The following PCDH11X variants were observed in gnomAD, a reference collection of about 807,000 sequenced individuals.
The protein encoded by PCDH11X is protocadherin-11 X-linked.
A neutral mutation model predicts 53.3 loss-of-function variants in PCDH11X; 18 were observed. That is an observed-to-expected ratio of 0.34 (90% CI 0.23 to 0.50). The LOEUF is 0.50. Among genes scored for constraint, PCDH11X ranks in the 20% least tolerant of loss-of-function variants. The pLI, the probability that PCDH11X is intolerant of heterozygous loss-of-function variation, is 0.98. For synonymous variants in PCDH11X, 279 were observed against 393.3 expected (o/e 0.71, Z 3.44); for missense variants, 570 against 1,032.4 (o/e 0.55, Z 6.14).
intron 8 of PCDH11X, among the ~76,000 whole-genome samples, chrX:92,306,843 T>A (rs2522760): frequency 1.8e-5 from 2 of 111,088 alleles, no homozygotes; most frequent in Admixed American, 1.9e-4. Flanking sequence ...CCAGCTACTC[T>A]GGAGGCTAAG....
chrX:92,244,397 C>A (rs1369989441), intron 7 of PCDH11X, among the ~76,000 whole-genome samples: 1 of 109,092 alleles, frequency 9.2e-6, no homozygotes, highest in Non-Finnish European at 1.9e-5. Context: ...CACTCACAGT[C>A]TTTTACTGTC....
intron 5 of PCDH11X, among the ~76,000 whole-genome samples, chrX:91,875,516 C>T (rs1939561612): frequency 9.3e-6 from 1 of 107,916 alleles, no homozygotes; most frequent in African/African-American, 3.4e-5. Flanking sequence ...TGGTCTCGAT[C>T]TCCTGACCTC....
intron 9 of PCDH11X, among the ~76,000 whole-genome samples, chrX:92,426,973 G>A (rs2072131790): frequency 9.1e-6 from 1 of 110,019 alleles, no homozygotes; most frequent in Non-Finnish European, 1.9e-5. Context: ...TGTTAGAGAA[G>A]CAATTGAAAC....
At chrX:92,094,510 C>T (rs985719282) in intron 6 of PCDH11X, among the ~76,000 whole-genome samples, 18 of 111,090 alleles carry the variant, frequency 1.6e-4, no homozygotes, top group African/African-American at 5.2e-4. Context: ...TATATGAGGA[C>T]AAGCCCACTT....
intron 6 of PCDH11X, among the ~76,000 whole-genome samples, chrX:91,972,429 C>T (rs2061976499): frequency 1.0e-5 from 1 of 98,221 alleles, no homozygotes; most frequent in African/African-American, 3.7e-5. Context: ...GTTTCTTTTG[C>T]TGTGCAGAAG....
At chrX:92,443,195 A>G (rs1484610461) in intron 9 of PCDH11X, among the ~76,000 whole-genome samples, 1 of 111,208 alleles carries the variant, frequency 9.0e-6, no homozygotes, top group African/African-American at 3.3e-5. Flanking sequence ...TTTCCATACC[A>G]CTGGTATGAG....
chrX:92,403,328 C>CATTTTTT (rs1569481407), intron 9 of PCDH11X, among the ~76,000 whole-genome samples: 2 of 54,927 alleles, frequency 3.6e-5, no homozygotes, highest in African/African-American at 2.2e-4. Context: ...CGGGCATTTA[C>CATTTTTT]GTTTTTTTTT....
intron 6 of PCDH11X, among the ~76,000 whole-genome samples, chrX:92,085,493 A>C (rs1269610915): frequency 9.4e-6 from 1 of 106,714 alleles, no homozygotes; most frequent in Non-Finnish European, 1.9e-5. Context: ...AAAAAAAAAA[A>C]AAAAGCCACC....
chrX:92,150,276 T>C (rs1296687318), intron 6 of PCDH11X, among the ~76,000 whole-genome samples: 1 of 111,531 alleles, frequency 9.0e-6, no homozygotes, highest in African/African-American at 3.3e-5. Context: ...GTTGTCTTTT[T>C]AGTTGTAGCC....
rs777699108 is a variant in PCDH11X at position 92,399,074 on chromosome X, T to C, written c.3343+11141T>C. On this transcript the variant is annotated intron_variant, in intron 9 of 10. Transcript: ENST00000682573. The stretch of plus-strand genomic sequence containing the variant: ...CGGTCGTGGTGGTGGGCGCCTGTGG[T>C]CCCAGCTGCTCGGGAGGCTGAGGCA... Among the ~76,000 whole-genome samples the C allele has an allele frequency of 1.9e-4, 20 of 107,327 alleles. No individual in the cohort carries two copies. In the East Asian group the frequency reaches 5.9e-3, roughly 32 times the overall value. 93.2% of individuals were successfully genotyped at this position (107,327 alleles called of 115,157 possible). A position where few individuals can be genotyped will look rare whatever the true frequency, so the allele number is the denominator to read the frequency against.
chrX:92,113,212 C>T, intron 6 of PCDH11X: 1 of 1,164,076 alleles, frequency 8.6e-7, no homozygotes, highest in Non-Finnish European at 1.1e-6. Context: ...AGATTGAGCC[C>T]TGGCTGGGGC....
chrX:91,916,131 G>A (rs1465162586), intron 6 of PCDH11X, among the ~76,000 whole-genome samples: 1 of 111,128 alleles, frequency 9.0e-6, no homozygotes, highest in Non-Finnish European at 1.9e-5. Context: ...TGAGCTGAAT[G>A]ATAATAGTAA....
At chrX:92,474,072 T>C (rs1266370482) in intron 10 of PCDH11X, among the ~76,000 whole-genome samples, 1 of 111,221 alleles carries the variant, frequency 9.0e-6, no homozygotes, top group Non-Finnish European at 1.9e-5. Context: ...CACCTATTAC[T>C]GTATTGGGGC....
At chrX:92,001,472 CT>C (rs57766143) in intron 6 of PCDH11X, among the ~76,000 whole-genome samples, 15,849 of 91,480 alleles carry the variant, frequency 0.17, 1,277 homozygotes, top group Non-Finnish European at 0.24. Context: ...TTTTTTCTTT[CT>C]TTTTTTTTTT....
rs868860566 is a variant in PCDH11X, at chrX:91,821,347, A to C, written c.-45+10052A>C. On this transcript the variant is annotated intron_variant, in intron 4 of 10. Transcript: ENST00000682573. Reference sequence around the variant, plus strand: ...ATTTGTTTGTATCCTCTTTTATTTCATTGAGCAGTGGTTTGTAGTTCTCCT... The same window carrying C: ...ATTTGTTTGTATCCTCTTTTATTTCCTTGAGCAGTGGTTTGTAGTTCTCCT... Among the ~76,000 whole-genome samples the C allele has an allele frequency of 5.3e-3, 572 of 107,610 alleles. 3 individuals carry two copies. Among genetic ancestry groups the C allele is most frequent in the Non-Finnish European group, 8.5e-3 (442 of 51,943 alleles). 93.4% of individuals were successfully genotyped at this position (107,610 alleles called of 115,157 possible).
intron 6 of PCDH11X, among the ~76,000 whole-genome samples, chrX:91,951,439 A>T (rs1353673621): frequency 2.9e-5 from 3 of 103,162 alleles, no homozygotes; most frequent in African/African-American, 1.1e-4. Flanking sequence ...AATTATTTAC[A>T]TAATCATCAA....
intron 10 of PCDH11X, among the ~76,000 whole-genome samples, chrX:92,561,584 G>A (rs978085054): frequency 1.2e-4 from 13 of 105,216 alleles, no homozygotes; most frequent in African/African-American, 4.1e-4. Flanking sequence ...TTGAAGAAAG[G>A]CTATAAAAAA....
intron 10 of PCDH11X, among the ~76,000 whole-genome samples, chrX:92,579,949 G>A (rs900139546): frequency 7.3e-5 from 8 of 109,807 alleles, no homozygotes; most frequent in African/African-American, 2.7e-4. Flanking sequence ...TGATGTTGCT[G>A]CTTTCTGTTT....
chrX:92,309,232 A>G (rs1030405196), intron 8 of PCDH11X, among the ~76,000 whole-genome samples: 1 of 112,491 alleles, frequency 8.9e-6, no homozygotes, highest in Admixed American at 9.5e-5. Context: ...GAGATGGAAG[A>G]AATATATGTG....
Sources: gnomAD v4.1 joint callset for allele counts (sites outside exome capture counted in the v4.1 genomes callset) on GRCh38, gnomAD v4.1.1 for gene constraint, MANE v1.5 for transcripts, NCBI Gene and HGNC (gene_info 2026-07-23, HGNC 2026-07-21) for gene names.